GPR158: variants seen among roughly 807,000 people sequenced by gnomAD.
The protein encoded by GPR158 is G protein-coupled receptor 158.
A neutral mutation model predicts 78.2 loss-of-function variants in GPR158; 30 were observed. The ratio of observed to expected loss-of-function variants is 0.38; its 90% CI spans 0.29 to 0.52. GPR158 has a LOEUF of 0.52. Among genes scored for constraint, GPR158 ranks in the 20% least tolerant of loss-of-function variants. GPR158 has a pLI of 0.83. For synonymous variants in GPR158, 581 were observed against 591.1 expected, an observed-to-expected ratio of 0.98 and a Z score of 0.25; for missense variants, 1,463 against 1,523.5, an observed-to-expected ratio of 0.96 and a Z score of 0.66.
At chr10:25,465,220 A>G (rs1404338798) in intron 4 of GPR158, among the ~76,000 whole-genome samples, 1 of 152,174 alleles carries the variant, frequency 6.6e-6, no homozygotes, top group Non-Finnish European at 1.5e-5. Flanking sequence ...AATTGTTACT[A>G]CTGCAAATTA....
chr10:25,316,903 G>A (rs58984207), intron 2 of GPR158, among the ~76,000 whole-genome samples: 25,996 of 135,530 alleles, frequency 0.19, 3,366 homozygotes, highest in African/African-American at 0.42. Flanking sequence ...GTGTGTGTGT[G>A]TGTGTGTTTA....
At chr10:25,437,649 C>G (rs1418126) in intron 4 of GPR158, among the ~76,000 whole-genome samples, 103,775 of 152,040 alleles carry the variant, frequency 0.68, 36,609 homozygotes, top group Non-Finnish European at 0.8. Context: ...TGGAAATGAG[C>G]CTATTAGATT....
intron 3 of GPR158, among the ~76,000 whole-genome samples, chr10:25,409,583 C>T (rs1371871039): frequency 6.6e-6 from 1 of 152,114 alleles, no homozygotes; most frequent in Non-Finnish European, 1.5e-5. Context: ...AAACAAAACA[C>T]CTTTTAAAAA....
In GPR158 at chr10:25,175,182, C is replaced by T. The variant is rs1588718848; in HGVS notation, c.-239C>T. 5 of 461,356 alleles carry T rather than the reference C, an allele frequency of 1.1e-5. No homozygotes were observed. Among genetic ancestry groups the T allele is most frequent in the East Asian group, 3.6e-5 (1 of 27,944 alleles). The allele number at this position is 461,356 out of a possible 1,614,324, so 28.6% of individuals were successfully genotyped here. On this transcript the variant is annotated 5_prime_UTR_variant, in exon 1 of 11. Transcript: ENST00000376351. The surrounding 1 kb of genome is among the most constrained non-coding windows in gnomAD (Gnocchi z 6.4). ...GGCTGCGAGGTGCGTAATCCCCAGCCGGCCCCTCGCGCAGCGGGCACGGCC... is the reference window on the plus strand; with the variant it reads ...GGCTGCGAGGTGCGTAATCCCCAGCTGGCCCCTCGCGCAGCGGGCACGGCC...
chr10:25,424,903 T>G (rs1258202295), intron 4 of GPR158, among the ~76,000 whole-genome samples: 1 of 152,202 alleles, frequency 6.6e-6, no homozygotes, highest in Non-Finnish European at 1.5e-5. Context: ...TAAAGTAGTT[T>G]TTTCCAATTC....
At chr10:25,274,871 T>G (rs536286984) in intron 2 of GPR158, among the ~76,000 whole-genome samples, 4 of 152,330 alleles carry the variant, frequency 2.6e-5, no homozygotes, top group African/African-American at 9.6e-5. Context: ...TTCTAAATTC[T>G]GACTTTTGTG....
At chr10:25,443,553 T>A (rs1234040042) in intron 4 of GPR158, among the ~76,000 whole-genome samples, 2 of 122,782 alleles carry the variant, frequency 1.6e-5, no homozygotes, top group African/African-American at 6.4e-5. Context: ...AGAGACTGTT[T>A]CAAAAAAAAA....
At chr10:25,351,316 C>T (rs774370972) in intron 2 of GPR158, among the ~76,000 whole-genome samples, 6 of 151,312 alleles carry the variant, frequency 4.0e-5, no homozygotes, top group Non-Finnish European at 7.4e-5. Context: ...TTAGGGAGTG[C>T]GGGTTAAGCC....
intron 4 of GPR158, among the ~76,000 whole-genome samples, chr10:25,464,266 C>A (rs903746416): frequency 1.3e-5 from 2 of 152,122 alleles, no homozygotes; most frequent in Non-Finnish European, 2.9e-5. Flanking sequence ...TGCTACTGAG[C>A]CTACTGGACA....
At chr10:25,524,772 T>C (rs1168875699) in intron 5 of GPR158, among the ~76,000 whole-genome samples, 1 of 152,190 alleles carries the variant, frequency 6.6e-6, no homozygotes, top group African/African-American at 2.4e-5. Flanking sequence ...TGACAAAAGA[T>C]GAAATACATA....
At chr10:25,355,526 T>G (rs1855537953) in intron 2 of GPR158, among the ~76,000 whole-genome samples, 1 of 152,106 alleles carries the variant, frequency 6.6e-6, no homozygotes, top group African/African-American at 2.4e-5. Context: ...CTGGCTCCTT[T>G]ATCTGTTTGA....
At chr10:25,364,015 T>C (rs1855680309) in intron 2 of GPR158, among the ~76,000 whole-genome samples, 1 of 151,982 alleles carries the variant, frequency 6.6e-6, no homozygotes, top group South Asian at 2.1e-4. Flanking sequence ...TTAATATTTG[T>C]AAAGTGCTTA....
chr10:25,415,451 C>G (rs1834646104), intron 4 of GPR158, among the ~76,000 whole-genome samples: 1 of 152,024 alleles, frequency 6.6e-6, no homozygotes, highest in Non-Finnish European at 1.5e-5. Context: ...GAAAACGCAA[C>G]TCAAACCGAC....
chr10:25,274,657 A>G (rs1854159859), intron 2 of GPR158, among the ~76,000 whole-genome samples: 1 of 152,232 alleles, frequency 6.6e-6, no homozygotes, highest in Admixed American at 6.5e-5. Context: ...CCACTAGTGC[A>G]GATGGTTTAA....
At chr10:25,186,477 A>G (rs560534547) in intron 1 of GPR158, among the ~76,000 whole-genome samples, 2 of 152,326 alleles carry the variant, frequency 1.3e-5, no homozygotes, top group South Asian at 2.1e-4. Context: ...GACCACTAGC[A>G]AGACTAATAA....
chr10:25,283,527 G>T (rs1244144097), intron 2 of GPR158, among the ~76,000 whole-genome samples: 3 of 151,938 alleles, frequency 2.0e-5, no homozygotes, highest in African/African-American at 7.2e-5. Flanking sequence ...GGAACACTAG[G>T]CATAAATGGG....
chr10:25,340,622 G>C (rs1362079853), intron 2 of GPR158, among the ~76,000 whole-genome samples: 4 of 152,020 alleles, frequency 2.6e-5, no homozygotes, highest in Admixed American at 2.6e-4. Flanking sequence ...GGATGAGATA[G>C]CTGGAGGAAG....
intron 5 of GPR158, among the ~76,000 whole-genome samples, chr10:25,536,671 T>G (rs533037297): frequency 4.6e-5 from 7 of 152,366 alleles, no homozygotes; most frequent in African/African-American, 1.7e-4. Context: ...ACTGCATCTT[T>G]TTTTTAGTCA....
At chr10:25,348,626 C>T (rs1412794786) in intron 2 of GPR158, among the ~76,000 whole-genome samples, 1 of 151,980 alleles carries the variant, frequency 6.6e-6, no homozygotes, top group Non-Finnish European at 1.5e-5. Flanking sequence ...GAACACTTAT[C>T]TCCCCTAGTG....
Sources: allele counts gnomAD v4.1 joint callset (sites outside exome capture counted in the v4.1 genomes callset), GRCh38; gene constraint gnomAD v4.1.1; non-coding constraint Gnocchi (gnomAD v3.1); transcripts MANE v1.5; gene names NCBI Gene and HGNC (gene_info 2026-07-23, HGNC 2026-07-21).